IQSEC3: variants seen among roughly 807,000 people sequenced by gnomAD.
IQSEC3 encodes the protein IQ motif and SEC7 domain-containing protein 3.
Under a neutral mutation model 105.4 loss-of-function variants are expected in IQSEC3, and 50 were observed. The observed-to-expected ratio is 0.47, with a 90% CI of 0.38 to 0.60. IQSEC3 has a LOEUF of 0.60. IQSEC3 is among the 20% of genes least tolerant of loss of function. IQSEC3 has a pLI of 0.00. For synonymous variants in IQSEC3, 708 were observed against 746.0 expected (o/e 0.95, Z 0.83); for missense variants, 1,415 against 1,630.0 (o/e 0.87, Z 2.27).
chr12:168,829 G>A (rs1215187382), intron 11 of IQSEC3, 184 bp from the exon 12 acceptor site: 11 of 606,648 alleles, frequency 1.8e-5, no homozygotes, highest in African/African-American at 5.6e-5. Context: ...ACGAAACTGC[G>A]GCTCCGAGGG....
At chr12:171,304 A>G in intron 13 of IQSEC3, 143 bp downstream of exon 13, 1 of 1,614,094 alleles carries the variant, frequency 6.2e-7, no homozygotes, top group Non-Finnish European at 8.5e-7. Flanking sequence ...AAGAGATACA[A>G]TTAAAAGTTA....
At chr12:148,831 A>G (rs1248084613) in intron 5 of IQSEC3, 1 of 151,998 alleles carries the variant, frequency 6.6e-6, no homozygotes, top group Non-Finnish European at 1.5e-5. Flanking sequence ...CTAGGGCTTC[A>G]CCTTCCAGAT....
Position 174,919 on chromosome 12 carries a change from C to T in IQSEC3, c.3435C>T (p.His1145=), listed in dbSNP as rs1451752556. 2.6e-6 allele frequency: 4 copies of T among 1,548,330 alleles called. No individual in the cohort carries two copies. The African/African-American group carries it at 5.4e-5, about 21-fold the overall frequency. ...GGPGSPVKVT[H]QPPLPPPPPP... Reference sequence around the variant, plus strand: ...CCGGCTCTCCGGTCAAGGTCACCCACCAGCCTCCGCTGCCCCCGCCCCCAC... The same window carrying T: ...CCGGCTCTCCGGTCAAGGTCACCCATCAGCCTCCGCTGCCCCCGCCCCCAC... The change falls in exon 14 of 14, where the codon CAC becomes CAT. Residue 1145 remains histidine, a synonymous_variant. Coordinates refer to ENST00000538872, the MANE Select transcript of IQSEC3 (RefSeq NM_001170738.2).
chr12:125,756 G>A lies in IQSEC3; in HGVS notation c.747G>A (p.Glu249=), dbSNP rs782415378. The A allele has an allele frequency of 1.8e-5, 27 of 1,516,362 alleles. No individual in the cohort carries two copies. The highest frequency in any genetic ancestry group is 2.3e-5 in the Non-Finnish European group (26 of 1,139,784). 93.9% of individuals were successfully genotyped at this position (1,516,362 alleles called of 1,614,324 possible). A position where few individuals can be genotyped will look rare whatever the true frequency, so the allele number is the denominator to read the frequency against. ...CTCAAGCCCAGGAGCTGCAGGAGGA[G>A]GAGGAGCGGCCGGGGGCAGGGGCTG... ...PKAQAQELQE[E]EERPGAGAAS... The change falls in exon 3 of 14, where the codon GAG becomes GAA. Residue 249 remains glutamate, a synonymous_variant. Transcript: ENST00000538872.
In IQSEC3 at chr12:157,155, C is replaced by T. The variant is rs782562576; in HGVS notation, c.2276+8C>T. On this transcript the variant is annotated splice_region_variant and intron_variant, in intron 6 of 13. Transcript: ENST00000538872. ...GCTCATTGAGGCCTTCAGGTAAGGC[C>T]GCTTCCCAGCTCCACTCCCCAACAG... 66 of 1,553,784 alleles carry T rather than the reference C, an allele frequency of 4.2e-5. No homozygotes were observed. Among genetic ancestry groups the T allele is most frequent in the South Asian group, 3.7e-4 (30 of 81,830 alleles).
chr12:152,242 C>A lies in IQSEC3; in HGVS notation c.2154-4783C>A, dbSNP rs77872783. On this transcript the variant is annotated intron_variant, in intron 5 of 13. Transcript: ENST00000538872. This position sits in a 1 kb window ranked among gnomAD's most constrained non-coding sequence, Gnocchi z 4.8. ...TGTGGGCTCCAGGTGCCCAGGCCAG[C>A]TCTGAACCTGCAGGGTGACCACAGA... Among the ~76,000 whole-genome samples the A allele has an allele frequency of 9.5e-3, 1,446 of 152,340 alleles. 19 individuals are homozygous for A. Among genetic ancestry groups the A allele is most frequent in the Non-Finnish European group, 0.012 (815 of 68,030 alleles).
intron 1 of IQSEC3, among the ~76,000 whole-genome samples, chr12:78,044 G>C (rs71435003): frequency 0.96 from 145,393 of 151,136 alleles, 70,205 homozygotes; most frequent in East Asian, 1. Context: ...CACAGCCTCC[G>C]CGCGCCCCCG....
Position 174,641 on chromosome 12 carries a change from G to C in IQSEC3, c.3157G>C (p.Gly1053Arg). 2 of 1,578,694 alleles carry C rather than the reference G, an allele frequency of 1.3e-6. No homozygotes were observed. Among genetic ancestry groups the C allele is most frequent in the Non-Finnish European group, 1.7e-6 (2 of 1,169,722 alleles). The change falls in exon 14 of 14, where the codon GGG becomes CGG. Residue 1053 changes from glycine (G) to arginine (R), a missense_variant. Coordinates refer to ENST00000538872, the MANE Select transcript of IQSEC3 (RefSeq NM_001170738.2). ...NRLQTSQHNS[G>R]LGAERGAPVP... ...GCTTCAAACGTCCCAGCACAACTCC[G>C]GGCTGGGGGCCGAGAGGGGAGCGCC...
chr12:168,967 G>C, intron 11 of IQSEC3, 46 bp from the exon 12 acceptor site: 1 of 1,530,426 alleles, frequency 6.5e-7, no homozygotes, highest in Non-Finnish European at 9.1e-7. Context: ...CCTCTGTGTG[G>C]TTGAGGTTAA....
At chr12:132,522 A>T (rs1323760112) in intron 3 of IQSEC3, among the ~76,000 whole-genome samples, 1 of 152,202 alleles carries the variant, frequency 6.6e-6, no homozygotes, top group Non-Finnish European at 1.5e-5. Flanking sequence ...TGCTGCTGGC[A>T]TGGTCCAAGT....
At chr12:157,751 G>A in intron 7 of IQSEC3, 57 bp downstream of exon 7, 2 of 1,545,598 alleles carry the variant, frequency 1.3e-6, no homozygotes, top group Non-Finnish European at 8.8e-7. Flanking sequence ...GCCCCATTCT[G>A]TGCACCGTGC....
At chr12:70,405 G>A (rs556146188) in intron 1 of IQSEC3, among the ~76,000 whole-genome samples, 1 of 152,400 alleles carries the variant, frequency 6.6e-6, no homozygotes, top group East Asian at 1.9e-4. Context: ...GCAGCAATAT[G>A]TGGGTGAGTG....
chr12:150,249 CT>C (rs1406770811), intron 5 of IQSEC3, among the ~76,000 whole-genome samples: 3 of 152,136 alleles, frequency 2.0e-5, no homozygotes, highest in Non-Finnish European at 2.9e-5. Flanking sequence ...TTCAGGCCCC[CT>C]GTGTTGGTAC....
intron 2 of IQSEC3, among the ~76,000 whole-genome samples, chr12:111,038 G>A (rs1055542742): frequency 9.2e-5 from 14 of 152,236 alleles, no homozygotes; most frequent in East Asian, 1.9e-4. Context: ...GCTGCCCCCC[G>A]ATCGCCCTGT....
At chr12:121,281 C>T (rs1865210685) in intron 2 of IQSEC3, among the ~76,000 whole-genome samples, 1 of 152,178 alleles carries the variant, frequency 6.6e-6, no homozygotes, top group Admixed American at 6.5e-5. Context: ...AAGTAGATGG[C>T]CTTCAAGTTA....
chr12:94,719 T>C (rs1244917501), intron 1 of IQSEC3, among the ~76,000 whole-genome samples: 3 of 152,240 alleles, frequency 2.0e-5, no homozygotes, highest in Non-Finnish European at 4.4e-5. Flanking sequence ...CCTCAGTGTC[T>C]GGACAGACGA....
intron 2 of IQSEC3, among the ~76,000 whole-genome samples, chr12:108,980 CT>C (rs1864777873): frequency 6.6e-6 from 1 of 152,226 alleles, no homozygotes; most frequent in Admixed American, 6.5e-5. Context: ...GACTTGGTGG[CT>C]TTTCGTCAGC....
In IQSEC3 at chr12:175,152, TG is replaced by T. The variant is rs1216623692; in HGVS notation, c.*122del. 1.2e-6 allele frequency: 1 copy of T among 834,120 alleles called. No homozygotes were observed. Among genetic ancestry groups the T allele is most frequent in the Non-Finnish European group, 1.8e-6 (1 of 559,368 alleles). The allele number at this position is 834,120 out of a possible 1,614,324, so 51.7% of individuals were successfully genotyped here. On this transcript the variant is annotated 3_prime_UTR_variant, in exon 14 of 14. Coordinates refer to ENST00000538872, the MANE Select transcript of IQSEC3 (RefSeq NM_001170738.2). ...TCCTGGTCACTGATCACCATCATTT[TG>T]GGAAGAGAATCCCAATCCCTGGCAC...
intron 2 of IQSEC3, among the ~76,000 whole-genome samples, chr12:121,589 G>A (rs1238134622): frequency 1.3e-5 from 2 of 152,230 alleles, no homozygotes; most frequent in African/African-American, 4.8e-5. Flanking sequence ...GAACGGGGTA[G>A]GAGGAAGCCT....
Sources: gnomAD v4.1 joint callset for allele counts (sites outside exome capture counted in the v4.1 genomes callset) on GRCh38, gnomAD v4.1.1 for gene constraint, Gnocchi (gnomAD v3.1) non-coding constraint, MANE v1.5 for transcripts, NCBI Gene and HGNC (gene_info 2026-07-23, HGNC 2026-07-21) for gene names.